The following GRHL1 variants were observed in gnomAD, a reference collection of about 807,000 sequenced individuals.
GRHL1 encodes grainyhead-like protein 1 homolog.
Under a neutral mutation model 75.7 loss-of-function variants are expected in GRHL1, and 38 were observed. That is an observed-to-expected ratio of 0.50 (90% CI 0.39 to 0.66). The LOEUF (loss-of-function observed/expected upper bound fraction) is 0.66, where lower values mean the gene tolerates loss of function less well. Ranked by LOEUF, GRHL1 falls within the 30% of genes least tolerant of loss-of-function variation. The pLI, the probability that GRHL1 is intolerant of heterozygous loss-of-function variation, is 0.00. For missense variants in GRHL1, 589 were observed against 767.5 expected, an observed-to-expected ratio of 0.77 and a Z score of 2.75; for synonymous variants, 266 against 279.4, an observed-to-expected ratio of 0.95 and a Z score of 0.48.
chr2:9,994,096 C>CT (rs1668755948), intron 12 of GRHL1, among the ~76,000 whole-genome samples: 1 of 152,142 alleles, frequency 6.6e-6, no homozygotes, highest in Admixed American at 6.5e-5. Flanking sequence ...TCAGAACCTT[C>CT]TTGATGGCTC....
At chr2:9,973,634 CATTTTA>C (rs954162420) in intron 8 of GRHL1, among the ~76,000 whole-genome samples, 5 of 152,194 alleles carry the variant, frequency 3.3e-5, no homozygotes, top group African/African-American at 1.2e-4. Flanking sequence ...ATGGACCTCA[CATTTTA>C]ATTTTGATTG....
At chr2:9,973,933 G>T (rs1292020804) in intron 8 of GRHL1, among the ~76,000 whole-genome samples, 2 of 152,222 alleles carry the variant, frequency 1.3e-5, no homozygotes, top group Non-Finnish European at 2.9e-5. Flanking sequence ...AGGAAGTTTG[G>T]AACAGCCTAG....
chr2:9,976,630 T>C (rs1368167919), intron 8 of GRHL1, among the ~76,000 whole-genome samples: 5 of 152,186 alleles, frequency 3.3e-5, no homozygotes, highest in Non-Finnish European at 7.3e-5. Flanking sequence ...CAGAGTCAAA[T>C]GCTGCCAGGA....
Position 9,952,611 on chromosome 2 carries a change from G to A in GRHL1, c.20+758G>A, listed in dbSNP as rs187355064. On this transcript the variant is annotated intron_variant, in intron 1 of 15. Coordinates refer to ENST00000324907, the MANE Select transcript of GRHL1 (RefSeq NM_198182.3). ...AAGCGTATTTCGACAAATGTGAGGTGGTAGTGTAATAAGGCATGGGGGATT... is the reference window on the plus strand; with the variant it reads ...AAGCGTATTTCGACAAATGTGAGGTAGTAGTGTAATAAGGCATGGGGGATT... Among the ~76,000 whole-genome samples, 5 of 152,268 alleles carry A rather than the reference G, an allele frequency of 3.3e-5. No individual in the cohort carries two copies. The East Asian group carries it at 9.6e-4, about 29-fold the overall frequency.
At chr2:9,993,086 G>A (rs1243827453) in intron 11 of GRHL1, 121 bp from the exon 12 acceptor site, 2 of 829,056 alleles carry the variant, frequency 2.4e-6, no homozygotes, top group African/African-American at 1.7e-5. Flanking sequence ...TGAAAACTAA[G>A]GCTAAAGGAT....
chr2:9,979,619 C>T (rs10210121), intron 8 of GRHL1, among the ~76,000 whole-genome samples: 94 of 151,922 alleles, frequency 6.2e-4, no homozygotes, highest in African/African-American at 2.0e-3. Flanking sequence ...GTTACAAAAC[C>T]ATGTAAAATT....
chr2:9,964,496 T>C (rs1262648125), intron 7 of GRHL1, 150 bp downstream of exon 7: 1 of 584,500 alleles, frequency 1.7e-6, no homozygotes, highest in Non-Finnish European at 3.1e-6. Context: ...GTCCTCGGCC[T>C]CCTGGAACCA....
chr2:9,989,007 G>A (rs894446112), intron 9 of GRHL1, among the ~76,000 whole-genome samples: 5 of 152,070 alleles, frequency 3.3e-5, no homozygotes, highest in East Asian at 1.9e-4. Context: ...TTGTTAGAAG[G>A]GACAGAGAGA....
At chr2:9,972,169 G>A (rs988243193) in intron 8 of GRHL1, among the ~76,000 whole-genome samples, 1 of 151,950 alleles carries the variant, frequency 6.6e-6, no homozygotes, top group South Asian at 2.1e-4. Flanking sequence ...CCTGCATCTG[G>A]GCTGTCACTT....
At chr2:9,984,162 C>CA (rs369581721) in intron 8 of GRHL1, among the ~76,000 whole-genome samples, 4,059 of 144,892 alleles carry the variant, frequency 0.028, 183 homozygotes, top group African/African-American at 0.095. Context: ...AACTTCATCT[C>CA]AAAAAAAAAA....
In GRHL1 at chr2:9,986,250, G is replaced by A; in HGVS notation, c.1237G>A (p.Ala413Thr). 1 of 1,613,696 alleles carries A rather than the reference G, an allele frequency of 6.2e-7. No homozygotes were observed. Among genetic ancestry groups the A allele is most frequent in the Non-Finnish European group, 8.5e-7 (1 of 1,179,868 alleles). The change falls in exon 9 of 16, where the codon GCC (alanine) becomes ACC (threonine). Residue 413 changes from alanine to threonine, a missense_variant. Ala to Thr is a moderately conservative substitution (Grantham distance 58, BLOSUM62 0). Around this residue, in one of 5 missense-constraint regions of GRHL1, gnomAD observed 30 missense variants for 40.3 expected, o/e 0.74. Transcript: ENST00000324907. ...NNRSNKPVHRAYCQIKVFCDK... is the reference protein window; with the variant it reads ...NNRSNKPVHRTYCQIKVFCDK... ...CCGCAGCAACAAGCCTGTGCACCGG[G>A]CCTACTGCCAGATCAAGGTCTTCTG... is the stretch of plus-strand genomic sequence containing the variant.
rs149684743 is a variant in GRHL1, at chr2:9,981,924, G to A, written c.1111-4200G>A. On this transcript the variant is annotated intron_variant, in intron 8 of 15. Transcript: ENST00000324907. Reference sequence around the variant, plus strand: ...CTTCAGCCTTCAGCTGAACACACAAGTTCATCCACAAATGCAAATCCCTAT... The same window carrying A: ...CTTCAGCCTTCAGCTGAACACACAAATTCATCCACAAATGCAAATCCCTAT... 7.3e-3 allele frequency among the ~76,000 whole-genome samples: 1,109 copies of A among 152,308 alleles called. 7 individuals carry two copies. Among genetic ancestry groups the A allele is most frequent in the African/African-American group, 0.025 (1,024 of 41,574 alleles).
At chr2:9,982,206 A>G (rs1668225652) in intron 8 of GRHL1, among the ~76,000 whole-genome samples, 1 of 152,250 alleles carries the variant, frequency 6.6e-6, no homozygotes, top group South Asian at 2.1e-4. Flanking sequence ...ATATAAATAC[A>G]TATAAAAATA....
chr2:9,995,962 C>G lies in GRHL1; in HGVS notation c.1583C>G (p.Pro528Arg). Residue 528 changes from proline (P) to arginine (R), a missense_variant, in exon 13 of 16, where the codon CCA becomes CGA. Around this residue, in one of 5 missense-constraint regions of GRHL1, gnomAD observed 192 missense variants for 226.6 expected, o/e 0.85. Coordinates refer to ENST00000324907, the MANE Select transcript of GRHL1 (RefSeq NM_198182.3). ...ACCAAGCTGGCCCGGATAGAAGAAC[C>G]AAAGAGAGGTGTGTTCGTTTCCATT... Reference protein sequence around the residue: ...PSTKLARIEEPKRVLLYVRKE... With the variant: ...PSTKLARIEERKRVLLYVRKE... 1 of 1,590,408 alleles carries G rather than the reference C, an allele frequency of 6.3e-7. No individual in the cohort carries two copies. Among genetic ancestry groups the G allele is most frequent in the South Asian group, 1.1e-5 (1 of 90,536 alleles).
At chr2:9,975,426 G>C (rs536134442) in intron 8 of GRHL1, among the ~76,000 whole-genome samples, 4 of 152,322 alleles carry the variant, frequency 2.6e-5, no homozygotes, top group African/African-American at 9.6e-5. Flanking sequence ...ATCTCAGGCA[G>C]TCTCTAAATA....
chr2:9,957,823 G>A (rs1256953982), intron 2 of GRHL1, among the ~76,000 whole-genome samples: 2 of 152,228 alleles, frequency 1.3e-5, no homozygotes, highest in Admixed American at 6.5e-5. Context: ...TTAAATCTCA[G>A]TTGAGTTATT....
chr2:9,954,889 T>G (rs1666943829), intron 1 of GRHL1, 26 bp from the exon 2 acceptor site: 8 of 1,592,714 alleles, frequency 5.0e-6, no homozygotes, highest in Non-Finnish European at 5.2e-6. Context: ...GTGTGTGTTT[T>G]TGTTTTTTTT....
chr2:9,954,477 GA>G (rs1420276066), intron 1 of GRHL1, among the ~76,000 whole-genome samples: 2 of 152,182 alleles, frequency 1.3e-5, no homozygotes, highest in East Asian at 3.8e-4. Context: ...AGCCACAGTA[GA>G]AAGAGGGAAT....
In GRHL1 at chr2:9,996,326, C is replaced by T. The variant is rs1445312088; in HGVS notation, c.1602C>T (p.Tyr534=). 19 of 1,609,990 alleles carry T rather than the reference C, an allele frequency of 1.2e-5. No individual in the cohort carries two copies. The highest frequency in any genetic ancestry group is 1.6e-4 in the Middle Eastern group (1 of 6,070). The change falls in exon 14 of 16, where the codon TAC becomes TAT. Residue 534 remains tyrosine, a synonymous_variant. Coordinates refer to ENST00000324907, the MANE Select transcript of GRHL1 (RefSeq NM_198182.3). ...TTGGGGATTGATTAGTGCTGCTCTA[C>T]GTTCGAAAGGAGTCAGAAGAAGTCT... The part of the protein sequence containing the change: ...RIEEPKRVLL[Y]VRKESEEVFD...
Sources: gnomAD v4.1 joint callset for allele counts (sites outside exome capture counted in the v4.1 genomes callset) on GRCh38, gnomAD v4.1.1 for gene constraint, gnomAD v4.1.1 regional missense constraint, MANE v1.5 for transcripts, NCBI Gene and HGNC (gene_info 2026-07-23, HGNC 2026-07-21) for gene names.